The following DNAH11 variants were observed in gnomAD, a reference collection of about 807,000 sequenced individuals.
DNAH11 encodes the protein dynein axonemal heavy chain 11.
DNAH11 carries 442 observed loss-of-function variants against 526.0 expected under a neutral mutation model. The observed-to-expected ratio is 0.84, with a 90% CI of 0.78 to 0.91. The LOEUF is 0.91. DNAH11 is among the 40% of genes least tolerant of loss of function. DNAH11 has a pLI of 0.00. For missense variants in DNAH11, 6,989 were observed against 5,448.7 expected (o/e 1.28, Z -8.90); for synonymous variants, 2,461 against 1,935.9 (o/e 1.27, Z -7.12).
chr7:21,841,538 C>T (rs1435472458), intron 65 of DNAH11, among the ~76,000 whole-genome samples: 1 of 152,108 alleles, frequency 6.6e-6, no homozygotes, highest in African/African-American at 2.4e-5. Flanking sequence ...TGTTTCCTCC[C>T]ATATCCCACA....
At chr7:21,758,953 A>G (rs1469746441) in intron 54 of DNAH11, among the ~76,000 whole-genome samples, 2 of 152,260 alleles carry the variant, frequency 1.3e-5, no homozygotes, top group African/African-American at 2.4e-5. Flanking sequence ...ATCAGAAGCC[A>G]GAAACTTGGC....
At chr7:21,831,563 C>T (rs1382650974) in intron 65 of DNAH11, among the ~76,000 whole-genome samples, 1 of 152,098 alleles carries the variant, frequency 6.6e-6, no homozygotes, top group African/African-American at 2.4e-5. Context: ...TATAGGCAGA[C>T]ATCCTTCTCC....
chr7:21,557,089 G>A (rs1168365103), intron 2 of DNAH11, among the ~76,000 whole-genome samples: 1 of 151,790 alleles, frequency 6.6e-6, no homozygotes, highest in Admixed American at 6.6e-5. Flanking sequence ...AGAACATACA[G>A]TATTTGGTTT....
chr7:21,829,887 T>C (rs990580070), intron 65 of DNAH11, among the ~76,000 whole-genome samples: 1 of 152,224 alleles, frequency 6.6e-6, no homozygotes, highest in Non-Finnish European at 1.5e-5. Context: ...AGTGTTTGAA[T>C]TGTTCTGTCA....
intron 76 of DNAH11, among the ~76,000 whole-genome samples, chr7:21,890,654 G>C (rs1201336560): frequency 6.6e-6 from 1 of 151,896 alleles, no homozygotes; most frequent in East Asian, 1.9e-4. Context: ...TTTTATTCTG[G>C]CTACTTTATC....
intron 69 of DNAH11, 80 bp from the exon 70 acceptor site, chr7:21,864,455 C>T: frequency 6.9e-7 from 1 of 1,450,726 alleles, no homozygotes; most frequent in Non-Finnish European, 9.4e-7. Flanking sequence ...TCAGTCATGT[C>T]TGTTAAATGT....
rs1672510752 is a variant in DNAH11 at position 21,901,445 on chromosome 7, C to T, written c.*191C>T. The T allele has an allele frequency of 2.8e-6, 2 of 705,416 alleles. No individual in the cohort carries two copies. The highest frequency in any genetic ancestry group is 1.8e-5 in the African/African-American group (1 of 54,708). The allele number at this position is 705,416 out of a possible 1,614,324, so 43.7% of individuals were successfully genotyped here. On this transcript the variant is annotated 3_prime_UTR_variant, in exon 82 of 82. Coordinates refer to ENST00000409508, the MANE Select transcript of DNAH11 (RefSeq NM_001277115.2). ...TAACTCAGGGCTGAGCGTGGTGGCA[C>T]ACGACTGTAATCCCAGTTACTCAGG...
chr7:21,713,160 C>T (rs1040305516), intron 42 of DNAH11, among the ~76,000 whole-genome samples: 5 of 152,276 alleles, frequency 3.3e-5, no homozygotes, highest in South Asian at 2.1e-4. Flanking sequence ...GTTTGCACTT[C>T]GAACTGTAGG....
intron 25 of DNAH11, among the ~76,000 whole-genome samples, chr7:21,620,319 A>G (rs1341275146): frequency 2.0e-5 from 3 of 152,128 alleles, no homozygotes; most frequent in African/African-American, 4.8e-5. Context: ...TGTGCAATAG[A>G]TCACTAAAGC....
Position 21,748,708 on chromosome 7 carries a change from C to G in DNAH11, c.8639C>G (p.Thr2880Ser), listed in dbSNP as rs1786270841. ...CGTGGCCTTGAGGTCTTTCAGATCA[C>G]TCTGACCGAGGGCTATGGAATCCAG... is the stretch of plus-strand genomic sequence containing the variant. ...YLRGLEVFQI[T>S]LTEGYGIQEL... Residue 2880 changes from threonine to serine, a missense_variant, in exon 52 of 82, where the codon ACT becomes AGT. Thr to Ser is a moderately conservative substitution (Grantham distance 58). Coordinates refer to ENST00000409508, the MANE Select transcript of DNAH11 (RefSeq NM_001277115.2). 5.6e-6 allele frequency: 9 copies of G among 1,613,422 alleles called. No individual in the cohort carries two copies. Among genetic ancestry groups the G allele is most frequent in the Non-Finnish European group, 7.6e-6 (9 of 1,179,688 alleles).
intron 28 of DNAH11, among the ~76,000 whole-genome samples, chr7:21,654,543 A>G (rs1242470879): frequency 6.6e-6 from 1 of 152,196 alleles, no homozygotes; most frequent in African/African-American, 2.4e-5. Flanking sequence ...TGCTTCGATG[A>G]ACAGAGATGT....
intron 75 of DNAH11, among the ~76,000 whole-genome samples, chr7:21,882,703 G>A (rs1783966229): frequency 6.6e-6 from 1 of 152,100 alleles, no homozygotes; most frequent in African/African-American, 2.4e-5. Flanking sequence ...AGACTGAGGT[G>A]AGAGGATCGC....
At chr7:21,832,804 A>G (rs1476984207) in intron 65 of DNAH11, among the ~76,000 whole-genome samples, 1 of 152,228 alleles carries the variant, frequency 6.6e-6, no homozygotes, top group Non-Finnish European at 1.5e-5. Context: ...ATTGGAAACA[A>G]GAAGAATATA....
In DNAH11 at chr7:21,617,504, T is replaced by C. The variant is rs111973686; in HGVS notation, c.4096-115T>C. 38 of 1,254,252 alleles carry C rather than the reference T, an allele frequency of 3.0e-5. No individual in the cohort carries two copies. The African/African-American group carries it at 3.8e-4, about 12-fold the overall frequency. The allele number at this position is 1,254,252 out of a possible 1,614,324, so 77.7% of individuals were successfully genotyped here. A position where few individuals can be genotyped will look rare whatever the true frequency, so the allele number is the denominator to read the frequency against. Reference sequence around the variant, plus strand: ...TTGCTCCTTGGTCTAGGAGTTCAAATGCTTTCACTCTTTTCTAATCCAGGA... The same window carrying C: ...TTGCTCCTTGGTCTAGGAGTTCAAACGCTTTCACTCTTTTCTAATCCAGGA... On this transcript the variant is annotated intron_variant, in intron 22 of 81. Transcript: ENST00000409508.
chr7:21,598,186 A>G (rs142226642), intron 14 of DNAH11, among the ~76,000 whole-genome samples: 135 of 152,292 alleles, frequency 8.9e-4, no homozygotes, highest in African/African-American at 3.2e-3. Flanking sequence ...ATCAGCTCTT[A>G]TTCCAGTGTC....
At chr7:21,549,752 C>A (rs890541910) in intron 2 of DNAH11, among the ~76,000 whole-genome samples, 4 of 152,102 alleles carry the variant, frequency 2.6e-5, no homozygotes, top group African/African-American at 9.7e-5. Context: ...ACTGTCCAAC[C>A]CTGCAATTGG....
At chr7:21,888,565 C>G (rs1784214776) in intron 76 of DNAH11, among the ~76,000 whole-genome samples, 2 of 151,768 alleles carry the variant, frequency 1.3e-5, no homozygotes, top group African/African-American at 2.4e-5. Context: ...TCTCGGCTCA[C>G]TGCAACCTCC....
intron 65 of DNAH11, among the ~76,000 whole-genome samples, chr7:21,835,815 G>A (rs1781972806): frequency 6.7e-6 from 1 of 149,732 alleles, no homozygotes; most frequent in Non-Finnish European, 1.5e-5. Context: ...AAGTCAAATT[G>A]TCCCTGTTTG....
At chr7:21,727,371 GAACT>G (rs1785171007) in intron 45 of DNAH11, among the ~76,000 whole-genome samples, 1 of 152,192 alleles carries the variant, frequency 6.6e-6, no homozygotes. Context: ...TGTTATTTCT[GAACT>G]TACTGTAAAC....
Sources: gnomAD v4.1 joint callset for allele counts (sites outside exome capture counted in the v4.1 genomes callset) on GRCh38, gnomAD v4.1.1 for gene constraint, MANE v1.5 for transcripts, NCBI Gene and HGNC (gene_info 2026-07-23, HGNC 2026-07-21) for gene names.